PTCH1: variants seen among roughly 807,000 people sequenced by gnomAD.
PTCH1 encodes protein patched homolog 1.
Under a neutral mutation model 144.6 loss-of-function variants are expected in PTCH1, and 14 were observed. That is an observed-to-expected ratio of 0.10 (90% CI 0.06 to 0.15). The LOEUF (loss-of-function observed/expected upper bound fraction) is 0.15, where lower values mean the gene tolerates loss of function less well. Among genes scored for constraint, PTCH1 ranks in the 10% least tolerant of loss-of-function variants. The probability of loss-of-function intolerance (pLI) is 1.00; values close to 1 mark genes in which losing one functional copy is unlikely to be tolerated. For missense variants in PTCH1, 1,623 were observed against 1,948.3 expected (o/e 0.83, Z 3.14); for synonymous variants, 833 against 793.6 (o/e 1.05, Z -0.83).
At chr9:95,491,045 T>C (rs1254267475) in intron 2 of PTCH1, among the ~76,000 whole-genome samples, 2 of 152,326 alleles carry the variant, frequency 1.3e-5, no homozygotes, top group East Asian at 1.9e-4. Context: ...ATCATATGCA[T>C]CTTCATCATA....
At chr9:95,480,785 G>A (rs1841477270) in intron 5 of PTCH1, among the ~76,000 whole-genome samples, 197 bp from the exon 6 acceptor site, 1 of 152,166 alleles carries the variant, frequency 6.6e-6, no homozygotes, top group Admixed American at 6.5e-5. Flanking sequence ...ATTCATGACT[G>A]AAGATGCTAA....
chr9:95,477,332 C>T (rs1841126794), intron 10 of PTCH1, among the ~76,000 whole-genome samples: 1 of 152,210 alleles, frequency 6.6e-6, no homozygotes, highest in African/African-American at 2.4e-5. Flanking sequence ...AGTGTCTCTA[C>T]TAACCAATAA....
intron 2 of PTCH1, among the ~76,000 whole-genome samples, chr9:95,499,658 T>A (rs554294292): frequency 6.6e-6 from 1 of 152,188 alleles, no homozygotes; most frequent in East Asian, 1.9e-4. Context: ...TTTCTCCCCC[T>A]AAATAGTGTC....
intron 1 of PTCH1, chr9:95,507,257 C>G: frequency 1.0e-6 from 1 of 985,544 alleles, no homozygotes; most frequent in Non-Finnish European, 1.2e-6. Flanking sequence ...AAGAGGGCAG[C>G]CACATGGATC....
intron 20 of PTCH1, chr9:95,453,136 AAT>A (rs1262644389): frequency 8.4e-6 from 3 of 358,000 alleles, no homozygotes; most frequent in Non-Finnish European, 1.6e-5. Flanking sequence ...AGCTAATAAC[AAT>A]ATTTTTTTTT....
chr9:95,466,379 T>G (rs569183318), intron 15 of PTCH1, among the ~76,000 whole-genome samples: 11 of 152,322 alleles, frequency 7.2e-5, no homozygotes, highest in Admixed American at 5.2e-4. Flanking sequence ...ATTTAATTAT[T>G]TATAAAATAA....
exon 1 of PTCH1, chr9:95,516,476 G>T: frequency 6.6e-7 from 1 of 1,524,124 alleles, no homozygotes. Flanking sequence ...CACCATAGCC[G>T]GCCGTCAACC....
chr9:95,469,059 G>C lies in PTCH1; in HGVS notation c.1942C>G (p.His648Asp), dbSNP rs149762881. 3.7e-6 allele frequency: 6 copies of C among 1,613,974 alleles called. No individual in the cohort carries two copies. The African/African-American group carries it at 8.0e-5, about 22-fold the overall frequency. ...ATCTGCGTTTCATGGGCAAAGCTGT[G>C]GCTGCTGTAGGGAGGTGGGGGGCTG... ...RYSPPPPYSS[H>D]SFAHETQITM... The change falls in exon 14 of 24, where the codon CAC (histidine) becomes GAC (aspartate). Residue 648 changes from histidine (H) to aspartate (D), a missense_variant. Coordinates refer to ENST00000331920, the MANE Select transcript of PTCH1 (RefSeq NM_000264.5).
chr9:95,483,097 C>A (rs1841678569), intron 3 of PTCH1: 1 of 149,932 alleles, frequency 6.7e-6, no homozygotes, highest in Non-Finnish European at 1.5e-5. Context: ...GACTCTATCT[C>A]TACAAAAAAA....
intron 2 of PTCH1, among the ~76,000 whole-genome samples, chr9:95,489,264 G>A (rs976235722): frequency 2.0e-5 from 3 of 152,188 alleles, no homozygotes; most frequent in Admixed American, 2.0e-4. Flanking sequence ...CCCTAAGTGT[G>A]AAGCTTTGAG....
At chr9:95,498,771 C>G (rs1842951734) in intron 2 of PTCH1, among the ~76,000 whole-genome samples, 1 of 152,186 alleles carries the variant, frequency 6.6e-6, no homozygotes, top group African/African-American at 2.4e-5. Context: ...TCTGTGTATT[C>G]AAGGAATGTT....
intron 9 of PTCH1, 71 bp downstream of exon 9, chr9:95,477,984 G>A (rs1312389433): frequency 2.5e-6 from 4 of 1,606,786 alleles, no homozygotes; most frequent in Non-Finnish European, 3.4e-6. Flanking sequence ...AGCAGGAGCA[G>A]TCATGGAAAA....
chr9:95,506,804 G>C, intron 1 of PTCH1: 1 of 1,110,034 alleles, frequency 9.0e-7, no homozygotes, highest in East Asian at 3.5e-5. Context: ...CGCAGCGTGG[G>C]AGCTGCACCT....
chr9:95,508,652 C>G lies in PTCH1; in HGVS notation c.-291G>C. ...AGGTCTCTGCGGCCGCCGCTGCCCA[C>G]ATCCAGTTCGCGGAAGAGCGAGAGC... On this transcript the variant is annotated 5_prime_UTR_variant, in exon 1 of 24. An upstream start codon of the reference 5' UTR is lost. Coordinates refer to ENST00000331920, the MANE Select transcript of PTCH1 (RefSeq NM_000264.5). 1 of 989,102 alleles carries G rather than the reference C, an allele frequency of 1.0e-6. No homozygotes were observed. The highest frequency in any genetic ancestry group is 1.2e-6 in the Non-Finnish European group (1 of 832,650). 61.3% of individuals were successfully genotyped at this position (989,102 alleles called of 1,614,324 possible).
At chr9:95,482,346 T>A (rs1479345720) in intron 3 of PTCH1, 143 bp from the exon 4 acceptor site, 2 of 771,444 alleles carry the variant, frequency 2.6e-6, no homozygotes, top group Non-Finnish European at 4.2e-6. Context: ...TTTTGCCAAG[T>A]AGAGACCCAG....
intron 2 of PTCH1, among the ~76,000 whole-genome samples, chr9:95,496,551 A>G (rs1281602789): frequency 6.8e-6 from 1 of 148,004 alleles, no homozygotes; most frequent in East Asian, 2.0e-4. Context: ...AAAAAAAAAG[A>G]AAAAAAAAAG....
intron 9 of PTCH1, 106 bp from the exon 10 acceptor site, chr9:95,477,808 A>G: frequency 6.6e-7 from 1 of 1,513,688 alleles, no homozygotes; most frequent in South Asian, 1.2e-5. Context: ...GGCAGAACTT[A>G]TCCAACAACA....
At chr9:95,453,358 T>G in intron 20 of PTCH1, 120 bp downstream of exon 20, 1 of 1,474,770 alleles carries the variant, frequency 6.8e-7, no homozygotes. Flanking sequence ...CTTGAACTCC[T>G]TGACCTTCTG....
At position 95,469,332 on chromosome 9, in the gene PTCH1, C is replaced by T. The variant is rs1057403321; in HGVS notation, c.1848-179G>A. The T allele has an allele frequency of 4.3e-6, 4 of 928,240 alleles. No homozygotes were observed. The East Asian group carries it at 7.9e-5, about 18-fold the overall frequency. The allele number at this position is 928,240 out of a possible 1,614,324, so 57.5% of individuals were successfully genotyped here. A position where few individuals can be genotyped will look rare whatever the true frequency, so the allele number is the denominator to read the frequency against. On this transcript the variant is annotated intron_variant, in intron 13 of 23. Transcript: ENST00000331920. The stretch of plus-strand genomic sequence containing the variant: ...TGGTTGATAACATCACCTGGTTCAT[C>T]GCCTGGTGAACTAGATAAAAGTCAG...
Sources: allele counts gnomAD v4.1 joint callset (sites outside exome capture counted in the v4.1 genomes callset), GRCh38; gene constraint gnomAD v4.1.1; transcripts MANE v1.5; gene names NCBI Gene and HGNC (gene_info 2026-07-23, HGNC 2026-07-21).